The following CPA6 variants were observed in gnomAD, a reference collection of about 807,000 sequenced individuals.
CPA6 encodes carboxypeptidase B.
CPA6 carries 58 observed loss-of-function variants against 63.3 expected under a neutral mutation model. That is an observed-to-expected ratio of 0.92 (90% CI 0.74 to 1.14). CPA6 has a LOEUF of 1.14. CPA6 is among the 50% of genes most tolerant of loss of function. The pLI, the probability that CPA6 is intolerant of heterozygous loss-of-function variation, is 0.00. For synonymous variants in CPA6, 185 were observed against 179.0 expected (o/e 1.03, Z -0.27); for missense variants, 565 against 526.6 (o/e 1.07, Z -0.71).
intron 1 of CPA6, among the ~76,000 whole-genome samples, chr8:67,716,146 T>G (rs1817373642): frequency 9.7e-6 from 1 of 103,490 alleles, no homozygotes; most frequent in Admixed American, 1.3e-4. Context: ...AGAGTGAGCT[T>G]GTCTCAAAAA....
chr8:67,690,741 G>C (rs1035782080), intron 1 of CPA6, among the ~76,000 whole-genome samples: 6 of 152,150 alleles, frequency 3.9e-5, no homozygotes, highest in Non-Finnish European at 8.8e-5. Context: ...GTCAGGAAGA[G>C]TGAATCAACA....
intron 2 of CPA6, among the ~76,000 whole-genome samples, chr8:67,564,046 G>A (rs1380045242): frequency 6.6e-6 from 1 of 152,138 alleles, no homozygotes; most frequent in Non-Finnish European, 1.5e-5. Context: ...GGAGGTCCTG[G>A]GGAAGGGACT....
chr8:67,508,429 G>A (rs1451999718), intron 5 of CPA6, among the ~76,000 whole-genome samples: 2 of 152,052 alleles, frequency 1.3e-5, no homozygotes, highest in East Asian at 3.9e-4. Flanking sequence ...TGAATTTAAG[G>A]TTCCAGAGGG....
At chr8:67,581,189 G>A (rs74540427) in intron 2 of CPA6, among the ~76,000 whole-genome samples, 1,801 of 152,328 alleles carry the variant, frequency 0.012, 13 homozygotes, top group South Asian at 0.031. Context: ...TCCATGTGGG[G>A]TAATGTACGG....
At chr8:67,551,047 T>C (rs1481662329) in intron 2 of CPA6, among the ~76,000 whole-genome samples, 2 of 152,156 alleles carry the variant, frequency 1.3e-5, no homozygotes, top group African/African-American at 4.8e-5. Flanking sequence ...AGGTTCCACT[T>C]GTCAATTTTT....
At chr8:67,492,741 T>C (rs1811633935) in intron 6 of CPA6, among the ~76,000 whole-genome samples, 1 of 152,206 alleles carries the variant, frequency 6.6e-6, no homozygotes, top group African/African-American at 2.4e-5. Context: ...GCAAGCATTG[T>C]CTGTCTACAC....
intron 2 of CPA6, among the ~76,000 whole-genome samples, chr8:67,578,645 G>A (rs1459357321): frequency 2.0e-5 from 3 of 152,078 alleles, no homozygotes; most frequent in Non-Finnish European, 4.4e-5. Flanking sequence ...AATGAGTTTT[G>A]AAGTTCAAGA....
chr8:67,597,105 G>A (rs1165968552), intron 2 of CPA6, among the ~76,000 whole-genome samples: 1 of 151,724 alleles, frequency 6.6e-6, no homozygotes, highest in Non-Finnish European at 1.5e-5. Flanking sequence ...CATAGTTTGT[G>A]ACTACGCATT....
At chr8:67,455,520 C>T (rs1447209444) in intron 8 of CPA6, among the ~76,000 whole-genome samples, 1 of 151,512 alleles carries the variant, frequency 6.6e-6, no homozygotes, top group Admixed American at 6.6e-5. Context: ...GAATTGACCA[C>T]AGGACTATGC....
chr8:67,509,615 G>A lies in CPA6; in HGVS notation c.436C>T (p.Gln146Ter). ...TTATTCAGATGATGCATCCAATTTT[G>A]AATCTAAGAGCAAATAAATAAAAAC... ...YEVYHSLEEI[Q>*]NWMHHLNKTH... Residue 146 changes from glutamine to a stop codon, truncating the protein, a stop_gained, in exon 5 of 11, where the codon CAA (glutamine) becomes TAA (stop). Coordinates refer to ENST00000297770, the MANE Select transcript of CPA6 (RefSeq NM_020361.5). LOFTEE classifies it high-confidence loss of function. The A allele has an allele frequency of 6.6e-7, 1 of 1,520,580 alleles. No individual in the cohort carries two copies. The highest frequency in any genetic ancestry group is 9.1e-7 in the Non-Finnish European group (1 of 1,102,800). 94.2% of individuals were successfully genotyped at this position (1,520,580 alleles called of 1,614,324 possible). A position where few individuals can be genotyped will look rare whatever the true frequency, so the allele number is the denominator to read the frequency against.
chr8:67,745,453 T>C (rs1817990194), intron 1 of CPA6, among the ~76,000 whole-genome samples: 1 of 152,240 alleles, frequency 6.6e-6, no homozygotes, highest in Non-Finnish European at 1.5e-5. Flanking sequence ...CCTATGTTTT[T>C]CCTTCAGAAA....
chr8:67,644,187 C>T (rs1368688667), intron 1 of CPA6, among the ~76,000 whole-genome samples: 3 of 150,942 alleles, frequency 2.0e-5, no homozygotes, highest in East Asian at 1.9e-4. Flanking sequence ...GGCGCCATTT[C>T]GGCTCACTGC....
At chr8:67,630,591 A>G (rs115529183) in intron 1 of CPA6, among the ~76,000 whole-genome samples, 3,911 of 152,344 alleles carry the variant, frequency 0.026, 82 homozygotes, top group African/African-American at 0.054. Context: ...GCTCCCTCTC[A>G]GTGCCTCCTC....
intron 5 of CPA6, among the ~76,000 whole-genome samples, chr8:67,508,431 T>C (rs1587504201): frequency 1.3e-5 from 2 of 152,138 alleles, no homozygotes; most frequent in East Asian, 1.9e-4. Flanking sequence ...AATTTAAGGT[T>C]CCAGAGGGTG....
chr8:67,689,079 G>A lies in CPA6; in HGVS notation c.116+56935C>T, dbSNP rs538338934. On this transcript the variant is annotated intron_variant, in intron 1 of 10. Coordinates refer to ENST00000297770, the MANE Select transcript of CPA6 (RefSeq NM_020361.5). ...ACTCTAACCTCCACCTCCTGGGTTCGAGCAATTCTCCTGCCTCAGCCTCAG... is the reference window on the plus strand; with the variant it reads ...ACTCTAACCTCCACCTCCTGGGTTCAAGCAATTCTCCTGCCTCAGCCTCAG... Among the ~76,000 whole-genome samples the A allele has an allele frequency of 9.1e-4, 138 of 151,936 alleles. 1 individual carries two copies. The highest frequency in any genetic ancestry group is 1.6e-3 in the Non-Finnish European group (111 of 67,942).
intron 2 of CPA6, among the ~76,000 whole-genome samples, chr8:67,548,339 A>G (rs1018022029): frequency 6.8e-6 from 1 of 146,266 alleles, no homozygotes; most frequent in Non-Finnish European, 1.5e-5. Flanking sequence ...GCAGCCTTCA[A>G]CTCCTGGGTT....
intron 1 of CPA6, among the ~76,000 whole-genome samples, chr8:67,703,623 A>C (rs1817071708): frequency 6.6e-6 from 1 of 152,166 alleles, no homozygotes; most frequent in African/African-American, 2.4e-5. Flanking sequence ...TTGTGCACCC[A>C]TGGCTCTTGC....
intron 8 of CPA6, among the ~76,000 whole-genome samples, chr8:67,479,137 A>G (rs1811304821): frequency 6.6e-6 from 1 of 152,198 alleles, no homozygotes; most frequent in South Asian, 2.1e-4. Context: ...CTTTATGCTG[A>G]TATTTCCTTA....
At chr8:67,539,465 T>C (rs370743330) in intron 2 of CPA6, among the ~76,000 whole-genome samples, 2 of 152,182 alleles carry the variant, frequency 1.3e-5, no homozygotes, top group East Asian at 1.9e-4. Context: ...AATCTGACAA[T>C]TATGTGTCTT....
Sources: gnomAD v4.1 joint callset for allele counts (sites outside exome capture counted in the v4.1 genomes callset) on GRCh38, gnomAD v4.1.1 for gene constraint, MANE v1.5 for transcripts, NCBI Gene and HGNC (gene_info 2026-07-23, HGNC 2026-07-21) for gene names.